The following HMGN2 variants were observed in gnomAD, a reference collection of about 807,000 sequenced individuals.
HMGN2 encodes the protein non-histone chromosomal protein HMG-17.
In HMGN2, 2 loss-of-function variants were observed where a neutral mutation model predicts 16.9. The ratio of observed to expected loss-of-function variants is 0.12; its 90% CI spans 0.05 to 0.37. HMGN2 has a LOEUF of 0.37. HMGN2 is among the 10% of genes least tolerant of loss of function. The probability of loss-of-function intolerance (pLI) is 1.00; values close to 1 mark genes in which losing one functional copy is unlikely to be tolerated. For synonymous variants in HMGN2, 31 were observed against 34.9 expected, an observed-to-expected ratio of 0.89 and a Z score of 0.39; for missense variants, 90 against 106.0, an observed-to-expected ratio of 0.85 and a Z score of 0.66.
At position 26,475,280 on chromosome 1, in the gene HMGN2, A is replaced by G. The variant is rs2124571528; in HGVS notation, c.*132A>G. ...TTTTTTTAAAAGCTATGTTGTTAGCACACAGAACACTTCATTGTTGTTTTT... is the reference window on the plus strand; with the variant it reads ...TTTTTTTAAAAGCTATGTTGTTAGCGCACAGAACACTTCATTGTTGTTTTT... On this transcript the variant is annotated 3_prime_UTR_variant, in exon 6 of 6. Transcript: ENST00000361427. The G allele has an allele frequency of 1.7e-6, 1 of 591,578 alleles. No individual in the cohort carries two copies. Among genetic ancestry groups the G allele is most frequent in the Non-Finnish European group, 3.0e-6 (1 of 337,072 alleles). The allele number at this position is 591,578 out of a possible 1,614,324, so 36.6% of individuals were successfully genotyped here.
At chr1:26,473,035 C>G (rs1033098905) in intron 1 of HMGN2, among the ~76,000 whole-genome samples, 1 of 302 alleles carries the variant, frequency 3.3e-3, no homozygotes, top group Non-Finnish European at 0.024. Context: ...AAAACCGCCG[C>G]CGTGAGGGGC....
In HMGN2 at chr1:26,473,477, T is replaced by G. The variant is rs1208604134; in HGVS notation, c.16-6T>G. On this transcript the variant is annotated splice_region_variant and splice_polypyrimidine_tract_variant and intron_variant, in intron 1 of 5. Transcript: ENST00000361427. ...ATCTGCAGTTTTTTGTTCTTGTTTC[T>G]TATAGGCTGAAGGGGATGCTAAGGG... 6.2e-7 allele frequency: 1 copy of G among 1,610,774 alleles called. No homozygotes were observed. The highest frequency in any genetic ancestry group is 1.7e-5 in the Admixed American group (1 of 60,002).
Position 26,473,635 on chromosome 1 carries a change from CA to C in HMGN2, c.61-65del, listed in dbSNP as rs2075590263. On this transcript the variant is annotated intron_variant, in intron 2 of 5. Coordinates refer to ENST00000361427, the MANE Select transcript of HMGN2 (RefSeq NM_005517.4). ...GAATTTACACTCCTATAATCTAGAG[CA>C]AATTGATACCAAACTTTCAAAGCGA... The C allele has an allele frequency of 1.9e-6, 3 of 1,572,264 alleles. No homozygotes were observed. The East Asian group carries it at 6.7e-5, about 35-fold the overall frequency.
At chr1:26,473,240 C>T (rs533764827) in intron 1 of HMGN2, 13 of 538,418 alleles carry the variant, frequency 2.4e-5, no homozygotes, top group Non-Finnish European at 3.9e-5. Context: ...TCCTGCCTGT[C>T]GCGGTGGTGC....
At position 26,475,650 on chromosome 1, in the gene HMGN2, C is replaced by G. The variant is rs1281048659; in HGVS notation, c.*502C>G. ...GGCACCTGTCAAAAGAGCAGTGGTT[C>G]CATTTCTAGATTGTGGATCTTCAGA... On this transcript the variant is annotated 3_prime_UTR_variant, in exon 6 of 6. Transcript: ENST00000361427. 2 of 324,980 alleles carry G rather than the reference C, an allele frequency of 6.2e-6. No individual in the cohort carries two copies. Among genetic ancestry groups the G allele is most frequent in the East Asian group, 9.1e-5 (1 of 10,942 alleles). The allele number at this position is 324,980 out of a possible 1,614,324, so 20.1% of individuals were successfully genotyped here.
chr1:26,472,510 A>G lies in HMGN2; in HGVS notation c.-103A>G. ...TTTATAAACCCCCCGGAGCCCGAGC[A>G]GTGTGAAGAAGAGGCGAGAACGACC... On this transcript the variant is annotated 5_prime_UTR_variant, in exon 1 of 6. Transcript: ENST00000361427. 3.0e-6 allele frequency: 4 copies of G among 1,330,654 alleles called. No homozygotes were observed. Among genetic ancestry groups the G allele is most frequent in the Non-Finnish European group, 4.2e-6 (4 of 963,282 alleles). 82.4% of individuals were successfully genotyped at this position (1,330,654 alleles called of 1,614,324 possible). A position where few individuals can be genotyped will look rare whatever the true frequency, so the allele number is the denominator to read the frequency against.
rs776572457 is a variant in HMGN2 at position 26,475,092 on chromosome 1, A to G, written c.238-21A>G. ...AGTTTTGAAATCTACGCATTGCATT[A>G]ATTTGTCTGTTTTCTTTTAGGCACA... On this transcript the variant is annotated intron_variant, in intron 5 of 5. Coordinates refer to ENST00000361427, the MANE Select transcript of HMGN2 (RefSeq NM_005517.4). 9.4e-6 allele frequency: 15 copies of G among 1,603,286 alleles called. No individual in the cohort carries two copies. The Admixed American group carries it at 2.4e-4, about 25-fold the overall frequency.
chr1:26,475,137 G>A lies in HMGN2; in HGVS notation c.262G>A (p.Asp88Asn), dbSNP rs767085902. The A allele has an allele frequency of 1.9e-6, 3 of 1,608,268 alleles. No homozygotes were observed. The highest frequency in any genetic ancestry group is 1.1e-5 in the South Asian group (1 of 90,948). The stretch of plus-strand genomic sequence containing the variant: ...GGCACAGAAAGCTGAAGGTGCTGGA[G>A]ATGCCAAGTGAAGTGTGTGCATTTT... ...DQAQKAEGAGDAK is the reference protein window; with the variant it reads ...DQAQKAEGAGNAK Residue 88 changes from aspartate to asparagine, a missense_variant, in exon 6 of 6, where the codon GAT (aspartate) becomes AAT (asparagine). Asp to Asn is a conservative substitution (Grantham distance 23). Transcript: ENST00000361427.
rs1226784178 is a variant in HMGN2 at position 26,473,334 on chromosome 1, G to A, written c.16-149G>A. ...GAGCCGGAGCTCCTGCGCGCGCTTC[G>A]TTCTTATACGAACGTCGGGCTCACT... is the stretch of plus-strand genomic sequence containing the variant. On this transcript the variant is annotated intron_variant, in intron 1 of 5. Transcript: ENST00000361427. The A allele has an allele frequency of 6.3e-6, 4 of 634,654 alleles. No homozygotes were observed. The East Asian group carries it at 1.1e-4, about 17-fold the overall frequency. 39.3% of individuals were successfully genotyped at this position (634,654 alleles called of 1,614,324 possible).
chr1:26,472,618 C>G lies in HMGN2; in HGVS notation c.6C>G (p.Pro2=), dbSNP rs746572080. The G allele has an allele frequency of 7.8e-6, 12 of 1,534,608 alleles. No homozygotes were observed. The South Asian group carries it at 1.2e-4, about 15-fold the overall frequency. The change falls in exon 1 of 6, where the codon CCC becomes CCG. Residue 2 remains proline (P), a synonymous_variant. Transcript: ENST00000361427. ...CTGCCGTCGCCGCCGCCACCATGCC[C>G]AAGAGAAAGGTACGTGGCGCGAGGG... The part of the protein sequence containing the change: M[P]KRKAEGDAKG...
chr1:26,472,939 C>T (rs900812615), intron 1 of HMGN2, among the ~76,000 whole-genome samples: 2 of 152,038 alleles, frequency 1.3e-5, no homozygotes, highest in South Asian at 2.1e-4. Flanking sequence ...CCCTTCCCTC[C>T]CCTCCCTGCG....
Position 26,474,612 on chromosome 1 carries a change from A to T in HMGN2, c.182A>T (p.Asp61Val), listed in dbSNP as rs1405823576. Reference protein sequence around the residue: ...KVPKGKKGKADAGKEGNNPAE... With the variant: ...KVPKGKKGKAVAGKEGNNPAE... ...CCCAAAGGGAAAAAGGGAAAAGCTG[A>T]TGCTGGCAAGGAGGGGAATAACCCT... is the stretch of plus-strand genomic sequence containing the variant. Residue 61 changes from aspartate (D) to valine (V), a missense_variant, in exon 5 of 6, where the codon GAT becomes GTT. Transcript: ENST00000361427. 3 of 1,598,220 alleles carry T rather than the reference A, an allele frequency of 1.9e-6. No individual in the cohort carries two copies. The highest frequency in any genetic ancestry group is 2.2e-5 in the East Asian group (1 of 44,800).
intron 2 of HMGN2, 61 bp from the exon 3 acceptor site, chr1:26,473,642 A>G: frequency 6.3e-7 from 1 of 1,588,004 alleles, no homozygotes; most frequent in Non-Finnish European, 8.6e-7. Context: ...GAGCAAATTG[A>G]TACCAAACTT....
At chr1:26,474,937 C>T (rs1028849034) in intron 5 of HMGN2, 176 bp from the exon 6 acceptor site, 13 of 623,156 alleles carry the variant, frequency 2.1e-5, no homozygotes, top group African/African-American at 5.5e-5. Context: ...ACAGTGAGGC[C>T]CAGAGGAGAG....
rs12048905 is a variant in HMGN2 at position 26,476,353 on chromosome 1, G to A, written c.*1205G>A. On this transcript the variant is annotated 3_prime_UTR_variant, in exon 6 of 6. Transcript: ENST00000361427. The stretch of plus-strand genomic sequence containing the variant: ...TGCATTTGCAACTTCTATAAAATTA[G>A]CAAATTAATAGACTCATGTCAGAGA... 4.6e-5 allele frequency among the ~76,000 whole-genome samples: 7 copies of A among 152,200 alleles called. No individual in the cohort carries two copies. Among genetic ancestry groups the A allele is most frequent in the Admixed American group, 3.3e-4 (5 of 15,270 alleles).
chr1:26,474,452 A>G, intron 4 of HMGN2, 120 bp from the exon 5 acceptor site: 1 of 646,344 alleles, frequency 1.5e-6, no homozygotes, highest in Non-Finnish European at 2.8e-6. Flanking sequence ...GTTCTTGTCA[A>G]ATGGGTGAGG....
At chr1:26,473,857 TCTTG>T in intron 3 of HMGN2, 125 bp downstream of exon 3, 1 of 1,022,052 alleles carries the variant, frequency 9.8e-7, no homozygotes, top group Non-Finnish European at 1.5e-6. Context: ...TACTTGGGAC[TCTTG>T]CCCCTTTGGG....
At chr1:26,474,402 A>G (rs578163469) in intron 4 of HMGN2, among the ~76,000 whole-genome samples, 170 bp from the exon 5 acceptor site, 1 of 152,374 alleles carries the variant, frequency 6.6e-6, no homozygotes, top group African/African-American at 2.4e-5. Flanking sequence ...ACTAAAGATT[A>G]TAGCAAATTA....
intron 1 of HMGN2, 55 bp from the exon 2 acceptor site, chr1:26,473,428 G>T: frequency 2.4e-6 from 3 of 1,274,096 alleles, no homozygotes; most frequent in Middle Eastern, 1.9e-4. Context: ...TAAAGTTTGG[G>T]AAGTAATTAA....
Sources: gnomAD v4.1 joint callset for allele counts (sites outside exome capture counted in the v4.1 genomes callset) on GRCh38, gnomAD v4.1.1 for gene constraint, MANE v1.5 for transcripts, NCBI Gene and HGNC (gene_info 2026-07-23, HGNC 2026-07-21) for gene names.